Variants in ERBB4 observed in about 807,000 individuals in gnomAD.
ERBB4 encodes receptor tyrosine-protein kinase erbB-4.
ERBB4 carries 42 observed loss-of-function variants against 158.0 expected under a neutral mutation model. The observed-to-expected ratio is 0.27, with a 90% CI of 0.21 to 0.34. The LOEUF is 0.34. Ranked by LOEUF, ERBB4 falls within the 10% of genes least tolerant of loss-of-function variation. ERBB4 has a pLI of 1.00. For missense variants in ERBB4, 1,333 were observed against 1,624.1 expected, an observed-to-expected ratio of 0.82 and a Z score of 3.08; for synonymous variants, 583 against 558.7, an observed-to-expected ratio of 1.04 and a Z score of -0.61.
chr2:211,768,268 G>A (rs1049378008), intron 4 of ERBB4, among the ~76,000 whole-genome samples: 3 of 152,218 alleles, frequency 2.0e-5, no homozygotes, highest in Admixed American at 2.0e-4. Flanking sequence ...GCAGGGTACA[G>A]CCTTCCTCCT....
intron 1 of ERBB4, among the ~76,000 whole-genome samples, chr2:212,189,746 T>C (rs1333810397): frequency 1.3e-5 from 2 of 152,222 alleles, no homozygotes; most frequent in African/African-American, 4.8e-5. Flanking sequence ...CTCACATATC[T>C]GAGTACCATC....
At chr2:212,536,086 G>A (rs1427771156) in intron 1 of ERBB4, among the ~76,000 whole-genome samples, 1 of 152,000 alleles carries the variant, frequency 6.6e-6, no homozygotes, top group African/African-American at 2.4e-5. Context: ...TTACTTATCC[G>A]CACTTAATTT....
chr2:211,706,940 AG>A (rs1250048206), intron 9 of ERBB4, among the ~76,000 whole-genome samples: 5 of 152,208 alleles, frequency 3.3e-5, no homozygotes, highest in Non-Finnish European at 7.3e-5. Flanking sequence ...TGTATCATGT[AG>A]GAAAACTCTT....
At chr2:212,477,436 C>G (rs1689460728) in intron 1 of ERBB4, among the ~76,000 whole-genome samples, 1 of 152,088 alleles carries the variant, frequency 6.6e-6, no homozygotes, top group Admixed American at 6.6e-5. Context: ...TGCAGTACAC[C>G]CTCAGGACCA....
At chr2:212,142,866 G>A (rs1193670044) in intron 1 of ERBB4, among the ~76,000 whole-genome samples, 1 of 151,518 alleles carries the variant, frequency 6.6e-6, no homozygotes, top group Non-Finnish European at 1.5e-5. Flanking sequence ...ACTTGGCAGG[G>A]TGCTTAAGAA....
chr2:212,435,862 T>C (rs1338604223), intron 1 of ERBB4, among the ~76,000 whole-genome samples: 3 of 151,892 alleles, frequency 2.0e-5, no homozygotes, highest in Non-Finnish European at 4.4e-5. Flanking sequence ...TAATACTATG[T>C]AAATTGACTT....
chr2:211,978,392 G>GTCTTTCTTTCTATCTA (rs1165469722), intron 2 of ERBB4, among the ~76,000 whole-genome samples: 4 of 102,316 alleles, frequency 3.9e-5, no homozygotes, highest in South Asian at 3.6e-4. Context: ...CTGTCTGTCT[G>GTCTTTCTTTCTATCTA]TCTGTCTATC....
chr2:212,312,461 G>T (rs1232528427), intron 1 of ERBB4, among the ~76,000 whole-genome samples: 1 of 150,602 alleles, frequency 6.6e-6, no homozygotes, highest in African/African-American at 2.4e-5. Context: ...GTCTATTTTA[G>T]CCTCAAATTC....
chr2:211,589,922 T>C (rs2068410043), intron 19 of ERBB4, among the ~76,000 whole-genome samples: 1 of 152,192 alleles, frequency 6.6e-6, no homozygotes, highest in African/African-American at 2.4e-5. Flanking sequence ...ATTATCATTA[T>C]AAAAACTATT....
In ERBB4 at chr2:211,379,136, T is replaced by G. The variant is rs1033506010; in HGVS notation, c.*4479A>C. The G allele has an allele frequency of 3.5e-5, 8 of 230,618 alleles. No homozygotes were observed. Among genetic ancestry groups the G allele is most frequent in the Non-Finnish European group, 6.9e-5 (8 of 116,478 alleles). The allele number at this position is 230,618 out of a possible 1,614,324, so 14.3% of individuals were successfully genotyped here. A position where few individuals can be genotyped will look rare whatever the true frequency, so the allele number is the denominator to read the frequency against. On this transcript the variant is annotated 3_prime_UTR_variant, in exon 28 of 28. Transcript: ENST00000342788. ...GAAAAATTGTGATTCTTTGTTGTCA[T>G]TTTTGGAGGCAAGAGGGCATAGTGA... is the stretch of plus-strand genomic sequence containing the variant.
At chr2:211,724,377 CTACTACATATGT>C (rs2106128363) in intron 6 of ERBB4, among the ~76,000 whole-genome samples, 1 of 147,424 alleles carries the variant, frequency 6.8e-6, no homozygotes, top group East Asian at 2.0e-4. Context: ...AAGCTCAATT[CTACTACATATGT>C]TTGCTGGATA....
chr2:211,810,891 G>T (rs968937628), intron 3 of ERBB4, among the ~76,000 whole-genome samples: 3 of 151,322 alleles, frequency 2.0e-5, no homozygotes, highest in African/African-American at 7.3e-5. Flanking sequence ...AGCCAGGATG[G>T]TCTCGATCTC....
At chr2:212,036,650 G>A (rs550835664) in intron 2 of ERBB4, among the ~76,000 whole-genome samples, 2 of 151,966 alleles carry the variant, frequency 1.3e-5, no homozygotes, top group Non-Finnish European at 2.9e-5. Flanking sequence ...ATTTTTAGTA[G>A]AGACTGGTTT....
intron 2 of ERBB4, among the ~76,000 whole-genome samples, chr2:212,003,242 A>AAGGG (rs2076178786): frequency 6.9e-6 from 1 of 144,702 alleles, no homozygotes; most frequent in African/African-American, 2.5e-5. Flanking sequence ...GGAAGGAAGG[A>AAGGG]AGGAAGGAAG....
chr2:211,818,815 C>G (rs1283653004), intron 3 of ERBB4, among the ~76,000 whole-genome samples: 1 of 151,954 alleles, frequency 6.6e-6, no homozygotes, highest in Non-Finnish European at 1.5e-5. Context: ...AGTCAGTTCT[C>G]TTATAGGTGG....
chr2:211,858,563 T>C (rs2077930566), intron 3 of ERBB4, among the ~76,000 whole-genome samples: 1 of 150,428 alleles, frequency 6.6e-6, no homozygotes, highest in Non-Finnish European at 1.5e-5. Context: ...GGGAACAGAG[T>C]TAATAAAATC....
chr2:211,989,598 C>G (rs772673025), intron 2 of ERBB4, among the ~76,000 whole-genome samples: 43 of 151,748 alleles, frequency 2.8e-4, no homozygotes, highest in Non-Finnish European at 5.6e-4. Context: ...AACTCTTTTA[C>G]CAAGACCACC....
intron 1 of ERBB4, among the ~76,000 whole-genome samples, chr2:212,183,941 A>T (rs1417552874): frequency 6.6e-6 from 1 of 152,076 alleles, no homozygotes; most frequent in Non-Finnish European, 1.5e-5. Context: ...TAAGAACCTG[A>T]CACTTTTGAA....
At chr2:211,626,463 G>T (rs192692538) in intron 17 of ERBB4, among the ~76,000 whole-genome samples, 1 of 152,190 alleles carries the variant, frequency 6.6e-6, no homozygotes, top group East Asian at 1.9e-4. Flanking sequence ...AGTATTTAAA[G>T]ATTTAAATTG....
Sources: allele counts gnomAD v4.1 joint callset (sites outside exome capture counted in the v4.1 genomes callset), GRCh38; gene constraint gnomAD v4.1.1; transcripts MANE v1.5; gene names NCBI Gene and HGNC (gene_info 2026-07-23, HGNC 2026-07-21).